The following RAPGEF5 variants were observed in gnomAD, a reference collection of about 807,000 sequenced individuals.
RAPGEF5 encodes Rap guanine nucleotide exchange factor 5, also known as M-Ras-regulated GEF.
In RAPGEF5, 65 loss-of-function variants were observed where a neutral mutation model predicts 125.2. The ratio of observed to expected loss-of-function variants is 0.52; its 90% CI spans 0.43 to 0.64. The LOEUF (loss-of-function observed/expected upper bound fraction) is 0.64. Among genes scored for constraint, RAPGEF5 ranks in the 30% least tolerant of loss-of-function variants. The pLI is 0.00. For missense variants in RAPGEF5, 958 were observed against 1,048.1 expected (o/e 0.91, Z 1.19); for synonymous variants, 391 against 385.9 (o/e 1.01, Z -0.16).
intron 5 of RAPGEF5, among the ~76,000 whole-genome samples, chr7:22,305,926 T>A (rs183423908): frequency 6.6e-6 from 1 of 152,366 alleles, no homozygotes; most frequent in African/African-American, 2.4e-5. Context: ...TGTGTATATG[T>A]ACCACGTTTT....
intron 1 of RAPGEF5, among the ~76,000 whole-genome samples, chr7:22,329,098 A>G (rs1783865202): frequency 6.6e-6 from 1 of 152,236 alleles, no homozygotes; most frequent in South Asian, 2.1e-4. Context: ...GTGCTTCATA[A>G]GGGATTCTAT....
intron 1 of RAPGEF5, among the ~76,000 whole-genome samples, chr7:22,347,542 A>G (rs540227703): frequency 5.0e-4 from 76 of 152,310 alleles, no homozygotes; most frequent in African/African-American, 1.7e-3. Flanking sequence ...GATACATCTC[A>G]ATTTTGAAAG....
rs964039085 is a variant in RAPGEF5 at position 22,122,241 on chromosome 7, C to T, written c.*165G>A. ...AGAAACCTCTCCCCCTCTCTGGTGG[C>T]TGACATCACTTCCTGAACACGCTTT... On this transcript the variant is annotated 3_prime_UTR_variant, in exon 26 of 26. Transcript: ENST00000665637. 5 of 579,794 alleles carry T rather than the reference C, an allele frequency of 8.6e-6. No homozygotes were observed. Among genetic ancestry groups the T allele is most frequent in the Non-Finnish European group, 1.5e-5 (5 of 326,490 alleles). 35.9% of individuals were successfully genotyped at this position (579,794 alleles called of 1,614,324 possible).
chr7:22,323,898 T>G (rs1284184703), intron 1 of RAPGEF5, among the ~76,000 whole-genome samples: 1 of 152,036 alleles, frequency 6.6e-6, no homozygotes, highest in East Asian at 1.9e-4. Flanking sequence ...CTAAATGCAG[T>G]AAAAAGAAGA....
chr7:22,261,467 G>A (rs1476242631), intron 7 of RAPGEF5, among the ~76,000 whole-genome samples: 1 of 152,024 alleles, frequency 6.6e-6, no homozygotes, highest in African/African-American at 2.4e-5. Context: ...AATTAGGTAG[G>A]TGTGGTGGCA....
intron 1 of RAPGEF5, among the ~76,000 whole-genome samples, chr7:22,326,149 G>A (rs1270465579): frequency 6.6e-6 from 1 of 152,176 alleles, no homozygotes; most frequent in African/African-American, 2.4e-5. Flanking sequence ...CAATAAAGGT[G>A]TGATAGTGTA....
chr7:22,242,808 G>A (rs186812012), intron 7 of RAPGEF5, among the ~76,000 whole-genome samples: 162 of 151,818 alleles, frequency 1.1e-3, no homozygotes, highest in Middle Eastern at 3.4e-3. Context: ...AAAACTGGCC[G>A]GGCATGGTTG....
intron 11 of RAPGEF5, among the ~76,000 whole-genome samples, chr7:22,171,402 ACT>A (rs953149235): frequency 1.2e-4 from 18 of 152,210 alleles, no homozygotes; most frequent in African/African-American, 4.3e-4. Context: ...ACATATTAAC[ACT>A]CTGAGTAAAA....
At chr7:22,162,881 G>C in intron 12 of RAPGEF5, 1 of 471,674 alleles carries the variant, frequency 2.1e-6, no homozygotes, top group Middle Eastern at 3.2e-4. Context: ...AAGAGAGCTA[G>C]CCTCACTACA....
At chr7:22,306,052 T>C (rs548910835) in intron 5 of RAPGEF5, among the ~76,000 whole-genome samples, 11 of 152,350 alleles carry the variant, frequency 7.2e-5, no homozygotes, top group African/African-American at 2.4e-4. Flanking sequence ...AATCTTTCTT[T>C]TGTGTATACA....
chr7:22,222,538 G>C (rs1456987513), intron 8 of RAPGEF5, among the ~76,000 whole-genome samples: 1 of 152,150 alleles, frequency 6.6e-6, no homozygotes, highest in Non-Finnish European at 1.5e-5. Context: ...AAGTGTGTTT[G>C]GCATGCTCAA....
In RAPGEF5 at chr7:22,164,033, TATA is replaced by T. The variant is rs576826801; in HGVS notation, c.1284-1495_1284-1493del. On this transcript the variant is annotated intron_variant, in intron 12 of 25. Transcript: ENST00000665637. ...TTAGTTTTTCTCTTGAAAGGCAAAA[TATA>T]ATAACAATTTATCTAGGCCAACCAT... Among the ~76,000 whole-genome samples the T allele has an allele frequency of 2.2e-3, 342 of 152,238 alleles. 1 individual carries two copies. Among genetic ancestry groups the T allele is most frequent in the African/African-American group, 7.9e-3 (330 of 41,560 alleles).
Position 22,144,791 on chromosome 7 carries a change from C to T in RAPGEF5, c.2186+253G>A, listed in dbSNP as rs146103617. On this transcript the variant is annotated intron_variant, in intron 20 of 25. Transcript: ENST00000665637. ...AGCTGCAGGATGAAGGATGTGTGTA[C>T]TGCCTGCTTATTAGTGCTGAGGCAG... Among the ~76,000 whole-genome samples, 739 of 152,316 alleles carry T rather than the reference C, an allele frequency of 4.9e-3. 9 individuals are homozygous for T. Among genetic ancestry groups the T allele is most frequent in the African/African-American group, 0.017 (712 of 41,576 alleles).
At chr7:22,240,428 G>A (rs1029819370) in intron 7 of RAPGEF5, among the ~76,000 whole-genome samples, 5 of 151,826 alleles carry the variant, frequency 3.3e-5, no homozygotes, top group Admixed American at 6.6e-5. Context: ...CTGGCATGCA[G>A]TGGCGCCATC....
chr7:22,208,182 G>T (rs986064660), intron 9 of RAPGEF5, among the ~76,000 whole-genome samples: 3 of 152,008 alleles, frequency 2.0e-5, no homozygotes, highest in Non-Finnish European at 4.4e-5. Flanking sequence ...GTGATGTCTT[G>T]TTCATAGGTG....
chr7:22,139,961 T>C, intron 21 of RAPGEF5, 64 bp downstream of exon 21: 6 of 1,371,024 alleles, frequency 4.4e-6, no homozygotes, highest in Non-Finnish European at 6.1e-6. Flanking sequence ...TTATCTCATT[T>C]AATCCATGTA....
At chr7:22,322,141 CTTTTTT>C (rs561923613) in intron 1 of RAPGEF5, among the ~76,000 whole-genome samples, 3 of 144,602 alleles carry the variant, frequency 2.1e-5, no homozygotes, top group Non-Finnish European at 4.6e-5. Context: ...TTTTCTTTTT[CTTTTTT>C]TTTTTTGAGA....
chr7:22,329,387 A>G (rs56073345), intron 1 of RAPGEF5, among the ~76,000 whole-genome samples: 3,589 of 152,216 alleles, frequency 0.024, 81 homozygotes, highest in African/African-American at 0.055. Flanking sequence ...AGTCAACAAA[A>G]TATATATGAA....
At chr7:22,288,484 C>G (rs1026609658) in intron 6 of RAPGEF5, among the ~76,000 whole-genome samples, 1 of 151,346 alleles carries the variant, frequency 6.6e-6, no homozygotes, top group African/African-American at 2.4e-5. Flanking sequence ...TCCACCTTTA[C>G]CCACTCATAC....
Sources: allele counts gnomAD v4.1 joint callset (sites outside exome capture counted in the v4.1 genomes callset), GRCh38; gene constraint gnomAD v4.1.1; transcripts MANE v1.5; gene names NCBI Gene and HGNC (gene_info 2026-07-23, HGNC 2026-07-21).